The following UNC5A variants were observed in gnomAD, a reference collection of about 807,000 sequenced individuals.
The protein encoded by UNC5A is unc-5 netrin receptor A, also known as netrin receptor UNC5A.
Under a neutral mutation model 87.4 loss-of-function variants are expected in UNC5A, and 20 were observed. The ratio of observed to expected loss-of-function variants is 0.23; its 90% CI spans 0.16 to 0.33. The LOEUF is 0.33. UNC5A is among the 10% of genes least tolerant of loss of function. UNC5A has a pLI of 1.00. For missense variants in UNC5A, 844 were observed against 1,133.4 expected, an observed-to-expected ratio of 0.74 and a Z score of 3.67; for synonymous variants, 438 against 482.3, an observed-to-expected ratio of 0.91 and a Z score of 1.20.
intron 1 of UNC5A, among the ~76,000 whole-genome samples, chr5:176,829,178 ATGGATGGATGGATGGATGGATGGATGGT>A (rs200890860): frequency 0.7 from 87,163 of 123,852 alleles, 36,858 homozygotes; most frequent in Non-Finnish European, 0.92. Context: ...GGATGGATGG[ATGGATGGATGGATGGATGGATGGATGGT>A]TGGATGGATG....
Position 176,843,286 on chromosome 5 carries a change from G to A in UNC5A, c.71-19338G>A, listed in dbSNP as rs558589560. Among the ~76,000 whole-genome samples, 4 of 152,386 alleles carry A rather than the reference G, an allele frequency of 2.6e-5. No individual in the cohort carries two copies. The South Asian group carries it at 8.3e-4, about 32-fold the overall frequency. ...CCACACGGTGGGGCACTGCCCAGCAGGGGAAGGACGCTGCCGTGGGTTCAG... is the reference window on the plus strand; with the variant it reads ...CCACACGGTGGGGCACTGCCCAGCAAGGGAAGGACGCTGCCGTGGGTTCAG... On this transcript the variant is annotated intron_variant, in intron 1 of 14. Coordinates refer to ENST00000329542, the MANE Select transcript of UNC5A (RefSeq NM_133369.3).
In UNC5A at chr5:176,877,219, C is replaced by T; in HGVS notation, c.1406C>T (p.Ala469Val). 6.2e-7 allele frequency: 1 copy of T among 1,612,852 alleles called. No individual in the cohort carries two copies. The highest frequency in any genetic ancestry group is 8.5e-7 in the Non-Finnish European group (1 of 1,179,690). The change falls in exon 9 of 15, where the codon GCC (alanine) becomes GTC (valine). Residue 469 changes from alanine (A) to valine (V), a missense_variant. Ala to Val is a moderately conservative substitution (Grantham distance 64). Around this residue, in one of 3 missense-constraint regions of UNC5A, gnomAD observed 353 missense variants for 387.5 expected, o/e 0.91. Coordinates refer to ENST00000329542, the MANE Select transcript of UNC5A (RefSeq NM_133369.3). ...TGISLLIPPD[A>V]IPRGKIYEIY... is the part of the protein sequence containing the mutation. ...ATCAGCCTCCTCATCCCCCCAGATG[C>T]CATACCCCGAGGGAAGATCTATGAG...
At chr5:176,847,010 G>C (rs1375302750) in intron 1 of UNC5A, among the ~76,000 whole-genome samples, 6 of 152,112 alleles carry the variant, frequency 3.9e-5, no homozygotes, top group Admixed American at 3.9e-4. Context: ...GAGCGCCCCC[G>C]TCAAGCCTAG....
intron 1 of UNC5A, among the ~76,000 whole-genome samples, chr5:176,862,113 C>T (rs529022951): frequency 3.3e-5 from 5 of 152,368 alleles, no homozygotes; most frequent in South Asian, 2.1e-4. Context: ...TCGCCTTGCC[C>T]GTGCCCACCC....
intron 2 of UNC5A, among the ~76,000 whole-genome samples, chr5:176,864,479 G>A (rs1256700267): frequency 1.3e-5 from 2 of 152,230 alleles, no homozygotes; most frequent in African/African-American, 2.4e-5. Context: ...GATCTGAGGT[G>A]AGCTGAAGAG....
At chr5:176,818,626 T>G (rs1756653244) in intron 1 of UNC5A, among the ~76,000 whole-genome samples, 1 of 152,152 alleles carries the variant, frequency 6.6e-6, no homozygotes, top group African/African-American at 2.4e-5. Flanking sequence ...GGGACCTTAT[T>G]GGGCAGCTAC....
Position 176,864,905 on chromosome 5 carries a change from C to T in UNC5A, c.292+2060C>T, listed in dbSNP as rs576732121. 61 of 448,762 alleles carry T rather than the reference C, an allele frequency of 1.4e-4. 1 individual carries two copies. The highest frequency in any genetic ancestry group is 9.0e-4 in the South Asian group (57 of 63,544). 27.8% of individuals were successfully genotyped at this position (448,762 alleles called of 1,614,324 possible). On this transcript the variant is annotated intron_variant, in intron 2 of 14. Coordinates refer to ENST00000329542, the MANE Select transcript of UNC5A (RefSeq NM_133369.3). ...GGACCAGAGCCTCTCCCGGCCCCAG[C>T]GGAGGTGCCAGAGGCCTCCCTGCCC...
intron 1 of UNC5A, among the ~76,000 whole-genome samples, chr5:176,818,418 G>C (rs1201323001): frequency 6.6e-6 from 1 of 152,236 alleles, no homozygotes; most frequent in African/African-American, 2.4e-5. Context: ...ACCGTGTGGC[G>C]GGAAGAGGAG....
At chr5:176,879,232 G>A (rs1172522141) in intron 13 of UNC5A, 78 bp from the exon 14 acceptor site, 1 of 1,477,484 alleles carries the variant, frequency 6.8e-7, no homozygotes, top group Non-Finnish European at 9.1e-7. Flanking sequence ...GAGTCTGGGA[G>A]CTCCCCCAGC....
At chr5:176,811,334 G>A (rs1249062521) in intron 1 of UNC5A, among the ~76,000 whole-genome samples, 2 of 152,154 alleles carry the variant, frequency 1.3e-5, no homozygotes, top group Admixed American at 6.5e-5. Context: ...CTCTGTCCCC[G>A]CCACACACGC....
chr5:176,827,397 G>C (rs2113598627), intron 1 of UNC5A, among the ~76,000 whole-genome samples: 1 of 151,976 alleles, frequency 6.6e-6, no homozygotes, highest in Non-Finnish European at 1.5e-5. Context: ...TGGCCAGGCT[G>C]ATCTCAAACT....
intron 1 of UNC5A, among the ~76,000 whole-genome samples, chr5:176,860,139 G>A (rs1470417967): frequency 6.6e-6 from 1 of 152,234 alleles, no homozygotes; most frequent in Admixed American, 6.5e-5. Context: ...CCGCCAAGAG[G>A]CAGGCACAGG....
chr5:176,818,549 G>A (rs1017408580), intron 1 of UNC5A, among the ~76,000 whole-genome samples: 1 of 152,216 alleles, frequency 6.6e-6, no homozygotes, highest in Non-Finnish European at 1.5e-5. Flanking sequence ...AGGTGGGTGA[G>A]GTTAGCCCCA....
chr5:176,842,815 A>G (rs1170193357), intron 1 of UNC5A, among the ~76,000 whole-genome samples: 1 of 152,162 alleles, frequency 6.6e-6, no homozygotes, highest in Non-Finnish European at 1.5e-5. Flanking sequence ...AACTTACGTA[A>G]CCGAATACCA....
chr5:176,812,097 A>G (rs559120398), intron 1 of UNC5A, among the ~76,000 whole-genome samples: 1 of 151,462 alleles, frequency 6.6e-6, no homozygotes, highest in East Asian at 1.9e-4. Flanking sequence ...CTTCTCCATC[A>G]GCACCCCTCT....
intron 1 of UNC5A, among the ~76,000 whole-genome samples, chr5:176,834,699 CTCTCTG>C (rs1554097353): frequency 4.0e-5 from 6 of 150,602 alleles, no homozygotes; most frequent in African/African-American, 1.5e-4. Flanking sequence ...CTCTCTCTCT[CTCTCTG>C]TCTCTCTGTC....
rs749076375 is a variant in UNC5A, at chr5:176,879,708, C to T, written c.2364-13C>T. ...CCAGGCCAGGCTGCTGACGGCCCCC[C>T]TCCCCTCCACAGCCATCTCAGCTTC... On this transcript the variant is annotated splice_polypyrimidine_tract_variant and intron_variant, in intron 14 of 14. Transcript: ENST00000329542. 6.2e-7 allele frequency: 1 copy of T among 1,611,170 alleles called. No individual in the cohort carries two copies. Among genetic ancestry groups the T allele is most frequent in the Non-Finnish European group, 8.5e-7 (1 of 1,179,028 alleles).
intron 8 of UNC5A, among the ~76,000 whole-genome samples, chr5:176,876,200 C>G (rs1758258499): frequency 6.6e-6 from 1 of 152,230 alleles, no homozygotes; most frequent in African/African-American, 2.4e-5. Context: ...CCATGGAGAG[C>G]CTTCCTGCGA....
chr5:176,824,544 G>T lies in UNC5A; in HGVS notation c.70+13724G>T, dbSNP rs1205701794. ...CAGGGCATTTAGCCCCCACGCGGCA[G>T]ATAGAACATTCTAAAAAAAAAAGAG... On this transcript the variant is annotated intron_variant, in intron 1 of 14. Transcript: ENST00000329542. The surrounding 1 kb of genome is among the most constrained non-coding windows in gnomAD (Gnocchi z 4.2). Among the ~76,000 whole-genome samples the T allele has an allele frequency of 6.6e-6, 1 of 151,718 alleles. No individual in the cohort carries two copies. The highest frequency in any genetic ancestry group is 2.4e-5 in the African/African-American group (1 of 41,244).
Sources: allele counts gnomAD v4.1 joint callset (sites outside exome capture counted in the v4.1 genomes callset), GRCh38; gene constraint gnomAD v4.1.1; regional missense constraint gnomAD v4.1.1; non-coding constraint Gnocchi (gnomAD v3.1); transcripts MANE v1.5; gene names NCBI Gene and HGNC (gene_info 2026-07-23, HGNC 2026-07-21).